The following KCNMB3 variants were observed in gnomAD, a reference collection of about 807,000 sequenced individuals.
KCNMB3 encodes the protein calcium-activated potassium channel subunit beta-3.
A neutral mutation model predicts 11.9 loss-of-function variants in KCNMB3; 18 were observed. The observed-to-expected ratio is 1.51, with a 90% CI of 1.04 to 2.23. The LOEUF (loss-of-function observed/expected upper bound fraction) is 2.23. Among genes scored for constraint, KCNMB3 ranks in the 30% most tolerant of loss-of-function variants. The pLI is 0.00. For missense variants in KCNMB3, 247 were observed against 329.4 expected (o/e 0.75, Z 1.94); for synonymous variants, 78 against 119.2 (o/e 0.65, Z 2.25).
chr3:179,246,387 G>A (rs1260059087), intron 1 of KCNMB3, among the ~76,000 whole-genome samples: 1 of 152,074 alleles, frequency 6.6e-6, no homozygotes, highest in Non-Finnish European at 1.5e-5. Context: ...ACTCCAGCCA[G>A]GGCAACAGAG....
chr3:179,250,364 C>CA (rs2108445973), intron 1 of KCNMB3, among the ~76,000 whole-genome samples: 1 of 152,242 alleles, frequency 6.6e-6, no homozygotes, highest in East Asian at 1.9e-4. Context: ...CTGTCAAACT[C>CA]AAAAAATTCA....
upstream of KCNMB3, among the ~76,000 whole-genome samples, chr3:179,254,111 A>T (rs1336884882): frequency 6.6e-6 from 1 of 152,214 alleles, no homozygotes; most frequent in Non-Finnish European, 1.5e-5. Context: ...GGTCACAGGG[A>T]CAGGAGACAA....
chr3:179,265,611 C>T (rs900385425), intron 1 of KCNMB3, among the ~76,000 whole-genome samples: 1 of 152,174 alleles, frequency 6.6e-6, no homozygotes, highest in Non-Finnish European at 1.5e-5. Flanking sequence ...CGCGCCACCA[C>T]CATGCCCAGC....
At chr3:179,241,562 C>G (rs995441326), downstream of KCNMB3, 4 of 153,214 alleles carry the variant, frequency 2.6e-5, no homozygotes, top group Non-Finnish European at 5.9e-5. Context: ...ATGTCTCATT[C>G]CACTGTCCAT....
intron 1 of KCNMB3, among the ~76,000 whole-genome samples, chr3:179,248,877 T>G (rs1725735977): frequency 1.3e-5 from 2 of 152,054 alleles, no homozygotes; most frequent in African/African-American, 4.8e-5. Flanking sequence ...CCAGGCACAG[T>G]AGCTTATGCC....
At chr3:179,247,878 T>G (rs1725697779) in intron 1 of KCNMB3, among the ~76,000 whole-genome samples, 1 of 152,012 alleles carries the variant, frequency 6.6e-6, no homozygotes, top group Admixed American at 6.6e-5. Context: ...CCCCTTTCCC[T>G]CACTGAACTC....
At chr3:179,257,656 G>A (rs1163892850) in intron 1 of KCNMB3, among the ~76,000 whole-genome samples, 1 of 152,092 alleles carries the variant, frequency 6.6e-6, no homozygotes, top group Non-Finnish European at 1.5e-5. Context: ...TTTTTTTACT[G>A]TTCTTTTGAA....
intron 1 of KCNMB3, chr3:179,261,071 A>C: frequency 9.2e-7 from 1 of 1,084,038 alleles, no homozygotes; most frequent in East Asian, 2.4e-5. Context: ...CGGGCCCAGC[A>C]TGTTACGAGA....
In KCNMB3 at chr3:179,243,015, T is replaced by C. The variant is rs576038088; in HGVS notation, c.717A>G (p.Lys239=). 304 of 1,598,586 alleles carry C rather than the reference T, an allele frequency of 1.9e-4. No individual in the cohort carries two copies. The highest frequency in any genetic ancestry group is 2.5e-4 in the Non-Finnish European group (296 of 1,173,800). The change falls in exon 3 of 3, where the codon AAA becomes AAG. Residue 239 remains lysine (K), a synonymous_variant. Transcript: ENST00000392685. ...CCTCATCTCTGACTACAGTGCTATA[T>C]TTTTCACACAGTAAGGACAGGTGTT... ...LTQHLSLLCE[K]YSTVVRDEVG...
At chr3:179,256,404 C>G (rs1726012739), upstream of KCNMB3, among the ~76,000 whole-genome samples, 1 of 151,930 alleles carries the variant, frequency 6.6e-6, no homozygotes, top group African/African-American at 2.4e-5. Flanking sequence ...CCACTGCACT[C>G]CAGCCTGGGC....
At chr3:179,255,774 A>T (rs118147478), upstream of KCNMB3, among the ~76,000 whole-genome samples, 51 of 152,374 alleles carry the variant, frequency 3.3e-4, no homozygotes, top group East Asian at 7.1e-3. Context: ...GATATATTGC[A>T]CAGCTACAAA....
upstream of KCNMB3, among the ~76,000 whole-genome samples, chr3:179,254,486 T>C (rs1032159854): frequency 1.6e-4 from 24 of 152,210 alleles, no homozygotes; most frequent in Admixed American, 3.9e-4. Context: ...GTATGTTCTC[T>C]GTAGGCACAC....
chr3:179,247,359 T>C (rs908813220), intron 1 of KCNMB3, among the ~76,000 whole-genome samples: 9 of 150,816 alleles, frequency 6.0e-5, no homozygotes, highest in Non-Finnish European at 1.3e-4. Flanking sequence ...ATATATATGA[T>C]GAGAGGAAAA....
chr3:179,257,577 A>G (rs1217107518), intron 1 of KCNMB3, among the ~76,000 whole-genome samples: 1 of 152,262 alleles, frequency 6.6e-6, no homozygotes, highest in Non-Finnish European at 1.5e-5. Context: ...ACAAAATACC[A>G]AAAGTGATTC....
At chr3:179,258,913 A>C (rs776122211) in intron 1 of KCNMB3, 4 of 1,610,272 alleles carry the variant, frequency 2.5e-6, no homozygotes, top group Non-Finnish European at 3.4e-6. Context: ...ATTGGCATAC[A>C]GTGCATCTCT....
rs1354684028 is a variant in KCNMB3, at chr3:179,260,829, GTTC to G, written c.62+5817_62+5819del. ...TACTGCCGCCTATATTCAGCCAGCT[GTTC>G]TTCAATCTCCAGCAACATATCTTTC... On this transcript the variant is annotated intron_variant, in intron 1 of 3. Transcript: ENST00000349697. The G allele has an allele frequency of 3.9e-6, 5 of 1,284,136 alleles. No homozygotes were observed. In the African/African-American group the frequency reaches 7.4e-5, roughly 19 times the overall value. 79.5% of individuals were successfully genotyped at this position (1,284,136 alleles called of 1,614,324 possible). A position where few individuals can be genotyped will look rare whatever the true frequency, so the allele number is the denominator to read the frequency against.
rs1725575437 is a variant in KCNMB3, at chr3:179,244,655, G to A, written c.287C>T (p.Thr96Ile). The change falls in exon 2 of 3, where the codon ACA (threonine) becomes ATA (isoleucine). Residue 96 changes from threonine to isoleucine, a missense_variant. By Grantham distance (89) the Thr-to-Ile change is moderately conservative. This residue lies in a region of KCNMB3 where 160 missense variants were observed against 157.5 expected (regional missense o/e 1.02). Coordinates refer to ENST00000392685, the MANE Select transcript of KCNMB3 (RefSeq NM_171830.2). ...GTCCAGCCAGTCGTCCATGATATCT[G>A]TGTGGATGGCAGTGCAGGTCGATTC... ...REESTCTAIH[T>I]DIMDDWLDCA... 6.2e-7 allele frequency: 1 copy of A among 1,613,812 alleles called. No individual in the cohort carries two copies. The highest frequency in any genetic ancestry group is 1.3e-5 in the African/African-American group (1 of 74,820).
rs945037064 is a variant in KCNMB3 at position 179,265,740 on chromosome 3, G to A, written c.62+909C>T. ...CCCAAAGTGCTGGGATTACAGGTGT[G>A]AGCCACCGCGCCTGGCACAAAAGGT... On this transcript the variant is annotated intron_variant, in intron 1 of 3. Coordinates refer to the KCNMB3 transcript ENST00000349697. 2.0e-5 allele frequency among the ~76,000 whole-genome samples: 3 copies of A among 152,180 alleles called. No individual in the cohort carries two copies. In the South Asian group the frequency reaches 6.2e-4, roughly 32 times the overall value.
chr3:179,265,188 GAGA>G (rs1460767002), intron 1 of KCNMB3, among the ~76,000 whole-genome samples: 4 of 152,098 alleles, frequency 2.6e-5, no homozygotes, highest in African/African-American at 4.8e-5. Context: ...CATGTCTAGC[GAGA>G]AGAACACCTT....
Sources: allele counts gnomAD v4.1 joint callset (sites outside exome capture counted in the v4.1 genomes callset), GRCh38; gene constraint gnomAD v4.1.1; regional missense constraint gnomAD v4.1.1; transcripts MANE v1.5; gene names NCBI Gene and HGNC (gene_info 2026-07-23, HGNC 2026-07-21).